Variants in STX12 observed in about 807,000 individuals in gnomAD.
STX12 encodes syntaxin 12.
A neutral mutation model predicts 42.2 loss-of-function variants in STX12; 17 were observed. The ratio of observed to expected loss-of-function variants is 0.40; its 90% CI spans 0.28 to 0.60. The LOEUF (loss-of-function observed/expected upper bound fraction) is 0.60. STX12 is among the 20% of genes least tolerant of loss of function. STX12 has a pLI of 0.39. For missense variants in STX12, 297 were observed against 330.9 expected, an observed-to-expected ratio of 0.90 and a Z score of 0.79; for synonymous variants, 108 against 116.7, an observed-to-expected ratio of 0.93 and a Z score of 0.48.
At chr1:27,773,464 C>G in intron 1 of STX12, 39 bp downstream of exon 1, 1 of 1,589,786 alleles carries the variant, frequency 6.3e-7, no homozygotes. Context: ...GGAGCTGTCC[C>G]GGGGACAGGC....
intron 8 of STX12, among the ~76,000 whole-genome samples, chr1:27,821,925 T>G (rs1289915107): frequency 4.6e-5 from 7 of 152,022 alleles, no homozygotes; most frequent in Non-Finnish European, 1.0e-4. Flanking sequence ...GGCTGAGACA[T>G]TAGAATCACT....
chr1:27,822,169 G>A, intron 8 of STX12, 62 bp from the exon 9 acceptor site: 3 of 995,386 alleles, frequency 3.0e-6, no homozygotes, highest in South Asian at 1.3e-5. Flanking sequence ...CATTCTTAGA[G>A]TCTTACACAT....
chr1:27,794,390 C>CAGTTACCTTCATGTTCTGT (rs1553181857), intron 3 of STX12, among the ~76,000 whole-genome samples: 1 of 152,168 alleles, frequency 6.6e-6, no homozygotes, highest in Non-Finnish European at 1.5e-5. Context: ...TCATGTTTTG[C>CAGTTACCTTCATGTTCTGT]AGTTACCTTC....
chr1:27,821,483 A>C (rs954763176), intron 8 of STX12, among the ~76,000 whole-genome samples: 1 of 152,176 alleles, frequency 6.6e-6, no homozygotes, highest in African/African-American at 2.4e-5. Context: ...ATATACATAG[A>C]TAACAAATCA....
chr1:27,794,382 A>C (rs56843847), intron 3 of STX12, among the ~76,000 whole-genome samples: 18,817 of 152,080 alleles, frequency 0.12, 3,887 homozygotes, highest in African/African-American at 0.43. Flanking sequence ...TCTTTCTTTC[A>C]TGTTTTGCAG....
intron 5 of STX12, among the ~76,000 whole-genome samples, chr1:27,810,959 A>C (rs1323601015): frequency 1.3e-5 from 2 of 152,162 alleles, no homozygotes; most frequent in Non-Finnish European, 2.9e-5. Context: ...AACACATAAT[A>C]ATGGAAAATT....
chr1:27,812,753 A>T (rs1571531752), intron 6 of STX12, among the ~76,000 whole-genome samples: 1 of 152,086 alleles, frequency 6.6e-6, no homozygotes, highest in South Asian at 2.1e-4. Flanking sequence ...AACTACTGTT[A>T]TAATGGCATT....
chr1:27,783,561 C>T (rs1304585966), intron 1 of STX12, among the ~76,000 whole-genome samples: 2 of 152,062 alleles, frequency 1.3e-5, no homozygotes, highest in Non-Finnish European at 2.9e-5. Flanking sequence ...CTCAAAACTC[C>T]TGACCTCAGG....
intron 3 of STX12, among the ~76,000 whole-genome samples, chr1:27,801,250 A>C (rs1316567781): frequency 2.6e-5 from 4 of 152,092 alleles, no homozygotes; most frequent in Non-Finnish European, 4.4e-5. Flanking sequence ...AATACAATAA[A>C]AAATTAGCCA....
chr1:27,810,015 A>T (rs1436686072), intron 4 of STX12: 3 of 429,160 alleles, frequency 7.0e-6, no homozygotes, highest in African/African-American at 6.0e-5. Context: ...ATTATTCTCC[A>T]CCCTGTTCAG....
intron 1 of STX12, among the ~76,000 whole-genome samples, chr1:27,776,202 T>C (rs2088627053): frequency 6.6e-6 from 1 of 152,152 alleles, no homozygotes; most frequent in Admixed American, 6.5e-5. Context: ...ATAGCTAACA[T>C]TTGAGTACAT....
rs570146523 is a variant in STX12, at chr1:27,819,687, C to T, written c.687C>T (p.His229=). The T allele has an allele frequency of 7.4e-6, 12 of 1,613,856 alleles. No individual in the cohort carries two copies. The highest frequency in any genetic ancestry group is 4.5e-5 in the East Asian group (2 of 44,870). The change falls in exon 8 of 9, where the codon CAC becomes CAT. Residue 229 remains histidine, a synonymous_variant. Coordinates refer to ENST00000373943, the MANE Select transcript of STX12 (RefSeq NM_177424.3). ...IEANVESSEV[H]VERATEQLQR... Reference sequence around the variant, plus strand: ...CCAATGTGGAAAGCTCAGAGGTGCACGTCGAAAGAGCCACTGAACAGTTAC... The same window carrying T: ...CCAATGTGGAAAGCTCAGAGGTGCATGTCGAAAGAGCCACTGAACAGTTAC...
At chr1:27,786,656 T>G (rs996926990) in intron 1 of STX12, among the ~76,000 whole-genome samples, 10 of 152,144 alleles carry the variant, frequency 6.6e-5, no homozygotes, top group African/African-American at 2.4e-4. Context: ...CTACTCTGAA[T>G]GAATGAATGA....
intron 4 of STX12, among the ~76,000 whole-genome samples, chr1:27,805,993 A>G (rs1216822003): frequency 6.6e-6 from 1 of 152,152 alleles, no homozygotes; most frequent in Non-Finnish European, 1.5e-5. Flanking sequence ...TCCATGCATG[A>G]TTTTTATAGC....
In STX12 at chr1:27,792,246, A is replaced by C. The variant is rs1396240617; in HGVS notation, c.189-1287A>C. Among the ~76,000 whole-genome samples the C allele has an allele frequency of 1.6e-5, 2 of 123,028 alleles. 1 individual carries two copies. Among genetic ancestry groups the C allele is most frequent in the East Asian group, 4.3e-4 (2 of 4,688 alleles). 80.7% of individuals were successfully genotyped at this position (123,028 alleles called of 152,430 possible). On this transcript the variant is annotated intron_variant, in intron 2 of 8. Coordinates refer to ENST00000373943, the MANE Select transcript of STX12 (RefSeq NM_177424.3). Reference sequence around the variant, plus strand: ...TATGTATATACATATATATGTATCTATATATATGTAGATACATATATATGT... The same window carrying C: ...TATGTATATACATATATATGTATCTCTATATATGTAGATACATATATATGT...
chr1:27,803,031 A>T (rs1196217092), intron 4 of STX12, among the ~76,000 whole-genome samples: 1 of 152,204 alleles, frequency 6.6e-6, no homozygotes, highest in Non-Finnish European at 1.5e-5. Flanking sequence ...AGCATGTAGC[A>T]TAGGGGGTTA....
Position 27,817,851 on chromosome 1 carries a change from G to C in STX12, c.577G>C (p.Ala193Pro). The C allele has an allele frequency of 1.2e-6, 2 of 1,613,574 alleles. No homozygotes were observed. Among genetic ancestry groups the C allele is most frequent in the Non-Finnish European group, 1.7e-6 (2 of 1,179,736 alleles). The change falls in exon 7 of 9, where the codon GCT (alanine) becomes CCT (proline). Residue 193 changes from alanine (A) to proline (P), a missense_variant and splice_region_variant. Transcript: ENST00000373943. ...GTTAATTGTTTTTTGTCTTCCTTAG[G>C]CTGACATTTTGGATGTCAATCAGAT... is the stretch of plus-strand genomic sequence containing the variant. ...ERETAIRQLEADILDVNQIFK... is the reference protein window; with the variant it reads ...ERETAIRQLEPDILDVNQIFK...
In STX12 at chr1:27,792,256, A is replaced by ATATACATATATAT. The variant is rs1491489314; in HGVS notation, c.189-1277_189-1276insTATACATATATAT. Among the ~76,000 whole-genome samples the ATATACATATATAT allele has an allele frequency of 1.0e-4, 12 of 115,048 alleles. 1 individual carries two copies. Among genetic ancestry groups the ATATACATATATAT allele is most frequent in the African/African-American group, 3.9e-4 (10 of 25,896 alleles). The allele number at this position is 115,048 out of a possible 152,430, so 75.5% of individuals were successfully genotyped here. A position where few individuals can be genotyped will look rare whatever the true frequency, so the allele number is the denominator to read the frequency against. On this transcript the variant is annotated intron_variant, in intron 2 of 8. Transcript: ENST00000373943. ...CATATATATGTATCTATATATATGT[A>ATATACATATATAT]GATACATATATATGTATCTATATAT...
chr1:27,791,137 T>C (rs2088738104), intron 2 of STX12, among the ~76,000 whole-genome samples: 1 of 151,994 alleles, frequency 6.6e-6, no homozygotes, highest in Non-Finnish European at 1.5e-5. Flanking sequence ...GGCGCGTGCC[T>C]GTAATCCCGG....
Sources: gnomAD v4.1 joint callset for allele counts (sites outside exome capture counted in the v4.1 genomes callset) on GRCh38, gnomAD v4.1.1 for gene constraint, MANE v1.5 for transcripts, NCBI Gene and HGNC (gene_info 2026-07-23, HGNC 2026-07-21) for gene names.